Variants in FNBP1 observed in about 807,000 individuals in gnomAD.
FNBP1 encodes the protein formin-binding protein 1.
FNBP1 carries 26 observed loss-of-function variants against 90.6 expected under a neutral mutation model. That is an observed-to-expected ratio of 0.29 (90% CI 0.21 to 0.40). The LOEUF is 0.40. Ranked by LOEUF, FNBP1 falls within the 10% of genes least tolerant of loss-of-function variation. The probability of loss-of-function intolerance (pLI) is 1.00; values close to 1 mark genes in which losing one functional copy is unlikely to be tolerated. For missense variants in FNBP1, 635 were observed against 768.0 expected (o/e 0.83, Z 2.05); for synonymous variants, 260 against 265.2 (o/e 0.98, Z 0.19).
chr9:129,965,374 T>G (rs2048397346), intron 4 of FNBP1, among the ~76,000 whole-genome samples: 1 of 152,180 alleles, frequency 6.6e-6, no homozygotes, highest in Non-Finnish European at 1.5e-5. Context: ...CTCAGTTGCT[T>G]GACTTTACCC....
chr9:129,924,947 C>T lies in FNBP1; in HGVS notation c.987+13G>A. On this transcript the variant is annotated intron_variant, in intron 9 of 16. Coordinates refer to ENST00000446176, the MANE Select transcript of FNBP1 (RefSeq NM_015033.3). ...ACACCTTAGAAAACTCATTTCACGC[C>T]AACCATCAGTACCTTATTTTTTTTG... 1.2e-6 allele frequency: 2 copies of T among 1,601,134 alleles called. No individual in the cohort carries two copies. Among genetic ancestry groups the T allele is most frequent in the Non-Finnish European group, 1.7e-6 (2 of 1,172,998 alleles).
At chr9:129,960,727 T>C (rs1370453592) in intron 4 of FNBP1, among the ~76,000 whole-genome samples, 2 of 152,070 alleles carry the variant, frequency 1.3e-5, no homozygotes, top group South Asian at 2.1e-4. Context: ...AGATTTCAGA[T>C]GGTGGGAGGC....
chr9:130,053,616 C>T, the FNBP1 span: 1 of 407,740 alleles, frequency 2.5e-6, no homozygotes, highest in Non-Finnish European at 4.4e-6. Flanking sequence ...GTCCCCGGAG[C>T]CCAAGGTCGC....
upstream of FNBP1, chr9:130,043,204 C>T (rs2059996423): frequency 8.4e-6 from 3 of 358,954 alleles, no homozygotes; most frequent in Non-Finnish European, 1.5e-5. Flanking sequence ...GCCGCAGCGC[C>T]CGCCCGCCCT....
At chr9:129,905,076 T>C (rs1294647971) in intron 12 of FNBP1, among the ~76,000 whole-genome samples, 3 of 151,888 alleles carry the variant, frequency 2.0e-5, no homozygotes, top group Non-Finnish European at 4.4e-5. Context: ...TATGATGTCC[T>C]TTCCGAAACC....
chr9:130,020,209 T>C (rs1468506326), intron 1 of FNBP1, among the ~76,000 whole-genome samples: 2 of 152,168 alleles, frequency 1.3e-5, no homozygotes, highest in African/African-American at 4.8e-5. Flanking sequence ...TTTTGACTTT[T>C]CTTTTTCGTT....
At chr9:130,010,876 T>C (rs1029151633) in intron 1 of FNBP1, among the ~76,000 whole-genome samples, 2 of 151,292 alleles carry the variant, frequency 1.3e-5, no homozygotes, top group Non-Finnish European at 2.9e-5. Context: ...TAGGGAACAG[T>C]AGAGTGCTAA....
At chr9:129,918,877 CAAAAAAA>C (rs796911962) in intron 10 of FNBP1, 1 of 151,502 alleles carries the variant, frequency 6.6e-6, no homozygotes, top group African/African-American at 3.0e-5. Context: ...AAGAGAAAAA[CAAAAAAA>C]AAAACAAAAA....
chr9:129,933,836 G>C (rs1384248617), intron 6 of FNBP1, among the ~76,000 whole-genome samples: 1 of 152,096 alleles, frequency 6.6e-6, no homozygotes, highest in Non-Finnish European at 1.5e-5. Flanking sequence ...AAAAAGACAG[G>C]ACTGTCTTTT....
At chr9:130,022,766 C>T (rs1049773646) in intron 1 of FNBP1, among the ~76,000 whole-genome samples, 1 of 152,124 alleles carries the variant, frequency 6.6e-6, no homozygotes, top group African/African-American at 2.4e-5. Context: ...TTGATCTCCT[C>T]AGGCTCGGGT....
At chr9:129,931,309 T>C (rs1489552688) in intron 6 of FNBP1, among the ~76,000 whole-genome samples, 3 of 151,450 alleles carry the variant, frequency 2.0e-5, no homozygotes, top group Non-Finnish European at 2.9e-5. Flanking sequence ...AAAATAATAA[T>C]AACAAATAAA....
intron 6 of FNBP1, among the ~76,000 whole-genome samples, chr9:129,938,821 G>A (rs1250752366): frequency 6.6e-6 from 1 of 152,162 alleles, no homozygotes; most frequent in Non-Finnish European, 1.5e-5. Context: ...ATGTTGGCAA[G>A]CCTCCAAGGG....
chr9:130,009,682 G>A (rs1278790693), intron 1 of FNBP1, among the ~76,000 whole-genome samples: 6 of 152,090 alleles, frequency 3.9e-5, no homozygotes, highest in African/African-American at 1.2e-4. Context: ...TGGGCCTGTA[G>A]TCTCATCTAC....
At chr9:129,895,728 G>A in intron 16 of FNBP1, 110 bp downstream of exon 16, 1 of 1,399,700 alleles carries the variant, frequency 7.1e-7, no homozygotes. Flanking sequence ...TATGGTGCTT[G>A]CCAGCCAGTC....
chr9:130,007,239 C>CAAAAAAAAAAA (rs72063140), intron 1 of FNBP1, among the ~76,000 whole-genome samples: 10 of 77,008 alleles, frequency 1.3e-4, no homozygotes, highest in African/African-American at 4.6e-4. Context: ...GAGATCCTGT[C>CAAAAAAAAAAA]AAAAAAAAAA....
chr9:130,021,920 G>C (rs1471002109), intron 1 of FNBP1, among the ~76,000 whole-genome samples: 1 of 152,136 alleles, frequency 6.6e-6, no homozygotes, highest in African/African-American at 2.4e-5. Flanking sequence ...GGAGTGTAGT[G>C]GTGCTATCTT....
At chr9:129,982,932 G>A (rs963411080) in intron 2 of FNBP1, among the ~76,000 whole-genome samples, 2 of 152,118 alleles carry the variant, frequency 1.3e-5, no homozygotes, top group Non-Finnish European at 2.9e-5. Context: ...CCAAAGTGCT[G>A]GAATTACAGG....
In FNBP1 at chr9:129,979,394, A is replaced by G; in HGVS notation, c.141-20T>C. ...AGATTCCTGAAATAAAAATGCAGAC[A>G]TGTCAGCTTTATATAGAAAGAGAAT... On this transcript the variant is annotated intron_variant, in intron 2 of 16. Coordinates refer to ENST00000446176, the MANE Select transcript of FNBP1 (RefSeq NM_015033.3). The G allele has an allele frequency of 1.3e-6, 2 of 1,551,152 alleles. No homozygotes were observed. The highest frequency in any genetic ancestry group is 1.8e-6 in the Non-Finnish European group (2 of 1,126,072).
chr9:129,952,052 T>C (rs1159216230), intron 6 of FNBP1, among the ~76,000 whole-genome samples: 2 of 150,292 alleles, frequency 1.3e-5, no homozygotes, highest in African/African-American at 4.9e-5. Context: ...ATTAGCCAGG[T>C]GTGGTGGCTC....
Sources: gnomAD v4.1 joint callset for allele counts (sites outside exome capture counted in the v4.1 genomes callset) on GRCh38, gnomAD v4.1.1 for gene constraint, MANE v1.5 for transcripts, NCBI Gene and HGNC (gene_info 2026-07-23, HGNC 2026-07-21) for gene names.